NF1: variants seen among roughly 807,000 people sequenced by gnomAD.
NF1 encodes the protein neurofibromin 1, also known as neurofibromin.
NF1 carries 122 observed loss-of-function variants against 325.7 expected under a neutral mutation model. The observed-to-expected ratio is 0.37, with a 90% CI of 0.32 to 0.44. The LOEUF (loss-of-function observed/expected upper bound fraction) is 0.44, where lower values mean the gene tolerates loss of function less well. Ranked by LOEUF, NF1 falls within the 20% of genes least tolerant of loss-of-function variation. NF1 has a pLI of 1.00. For missense variants in NF1, 2,140 were observed against 3,415.4 expected, an observed-to-expected ratio of 0.63 and a Z score of 9.31; for synonymous variants, 1,091 against 1,186.0, an observed-to-expected ratio of 0.92 and a Z score of 1.65.
chr17:31,312,338 C>T (rs1399061514), intron 36 of NF1, among the ~76,000 whole-genome samples: 2 of 151,772 alleles, frequency 1.3e-5, no homozygotes, highest in Non-Finnish European at 2.9e-5. Flanking sequence ...GGTGAAACCC[C>T]GTTTCTACTA....
chr17:31,106,893 T>G (rs1484495199), intron 1 of NF1, among the ~76,000 whole-genome samples: 1 of 152,196 alleles, frequency 6.6e-6, no homozygotes, highest in Non-Finnish European at 1.5e-5. Context: ...GAGATTATGA[T>G]TCTTTCATGT....
chr17:31,243,565 C>G (rs888856420), intron 29 of NF1, among the ~76,000 whole-genome samples: 9 of 151,796 alleles, frequency 5.9e-5, no homozygotes, highest in African/African-American at 2.2e-4. Flanking sequence ...TTTTCTCAAG[C>G]AGAGGAGTCT....
At chr17:31,172,878 A>G (rs886877770) in intron 5 of NF1, among the ~76,000 whole-genome samples, 7 of 152,144 alleles carry the variant, frequency 4.6e-5, no homozygotes, top group Middle Eastern at 3.2e-3. Flanking sequence ...GGTTACCTGA[A>G]CTTCTGGGAC....
rs971095159 is a variant in NF1 at position 31,310,633 on chromosome 17, C to T, written c.4836-15187C>T. Among the ~76,000 whole-genome samples the T allele has an allele frequency of 2.0e-5, 3 of 152,130 alleles. No homozygotes were observed. The South Asian group carries it at 6.2e-4, about 32-fold the overall frequency. On this transcript the variant is annotated intron_variant, in intron 36 of 57. Transcript: ENST00000358273. ...CTGCTGTGAGTATCCTTACCATCCTCTCCCTTTTTTTTTCCCTGACACTAT... is the reference window on the plus strand; with the variant it reads ...CTGCTGTGAGTATCCTTACCATCCTTTCCCTTTTTTTTTCCCTGACACTAT...
chr17:31,147,496 G>A (rs1363210898), intron 1 of NF1, among the ~76,000 whole-genome samples: 1 of 152,126 alleles, frequency 6.6e-6, no homozygotes, highest in Non-Finnish European at 1.5e-5. Flanking sequence ...AAAACATGCT[G>A]CTGTAAAACA....
At chr17:31,174,943 T>A (rs2065992623) in intron 5 of NF1, among the ~76,000 whole-genome samples, 1 of 151,720 alleles carries the variant, frequency 6.6e-6, no homozygotes, top group Non-Finnish European at 1.5e-5. Flanking sequence ...ACCCCATCTC[T>A]ACTAAAAATA....
rs1567627282 is a variant in NF1 at position 31,357,372 on chromosome 17, A to G, written c.7970+3A>G. 8 of 1,605,236 alleles carry G rather than the reference A, an allele frequency of 5.0e-6. No individual in the cohort carries two copies. The African/African-American group carries it at 5.3e-5, about 11-fold the overall frequency. On this transcript the variant is annotated splice_donor_region_variant and intron_variant, in intron 54 of 57. Transcript: ENST00000358273. ...TTTCCCAAAGTCTTTCCTGTTGTGTAAGTATCTCCTTTTGATTTTAATTCA... is the reference window on the plus strand; with the variant it reads ...TTTCCCAAAGTCTTTCCTGTTGTGTGAGTATCTCCTTTTGATTTTAATTCA...
At chr17:31,140,589 C>G (rs1163831391) in intron 1 of NF1, among the ~76,000 whole-genome samples, 1 of 152,132 alleles carries the variant, frequency 6.6e-6, no homozygotes, top group Admixed American at 6.5e-5. Context: ...TAGGGCAAGT[C>G]CCCCTTCAGG....
chr17:31,277,225 A>G (rs929255530), intron 36 of NF1, among the ~76,000 whole-genome samples: 2 of 152,070 alleles, frequency 1.3e-5, no homozygotes, highest in Non-Finnish European at 2.9e-5. Flanking sequence ...ACCTCTGTAT[A>G]AGTGGATCAG....
chr17:31,150,339 G>A (rs1360034023), intron 1 of NF1, among the ~76,000 whole-genome samples: 1 of 152,156 alleles, frequency 6.6e-6, no homozygotes, highest in African/African-American at 2.4e-5. Flanking sequence ...TAGTGAGTGG[G>A]ATCTGGGAAA....
At chr17:31,262,783 GA>G (rs1311098935) in intron 35 of NF1, among the ~76,000 whole-genome samples, 1 of 152,068 alleles carries the variant, frequency 6.6e-6, no homozygotes, top group Non-Finnish European at 1.5e-5. Flanking sequence ...AGCTCTACTA[GA>G]TTTTTTTTAG....
At chr17:31,298,350 G>A (rs1023075484) in intron 36 of NF1, among the ~76,000 whole-genome samples, 1 of 151,922 alleles carries the variant, frequency 6.6e-6, no homozygotes, top group South Asian at 2.1e-4. Flanking sequence ...ATAAAGTTAC[G>A]GTATTTTCGT....
intron 29 of NF1, 25 bp downstream of exon 29, chr17:31,236,046 C>T (rs771922676): frequency 1.8e-5 from 28 of 1,532,742 alleles, no homozygotes; most frequent in Middle Eastern, 1.7e-4. Context: ...CACATAGAAC[C>T]GCTGTTTTTT....
chr17:31,335,904 C>G (rs1331291025), intron 40 of NF1, among the ~76,000 whole-genome samples: 2 of 142,852 alleles, frequency 1.4e-5, no homozygotes, highest in Non-Finnish European at 3.0e-5. Flanking sequence ...GTTGCCCAGG[C>G]TGGTCTTGAA....
intron 36 of NF1, among the ~76,000 whole-genome samples, chr17:31,299,140 A>C (rs1244617466): frequency 6.6e-6 from 1 of 152,100 alleles, no homozygotes. Flanking sequence ...AATTCTCAAA[A>C]AGAAAAAGGG....
intron 36 of NF1, among the ~76,000 whole-genome samples, chr17:31,293,586 A>T (rs2068397123): frequency 1.3e-5 from 2 of 152,212 alleles, no homozygotes; most frequent in Non-Finnish European, 2.9e-5. Context: ...AGAACACATT[A>T]GAGTGTTGTT....
At chr17:31,124,156 AC>A (rs1555599990) in intron 1 of NF1, among the ~76,000 whole-genome samples, 4 of 152,170 alleles carry the variant, frequency 2.6e-5, no homozygotes, top group Non-Finnish European at 5.9e-5. Context: ...TAAAAAAATT[AC>A]AGTTTAACAT....
chr17:31,366,953 A>T (rs2070535231), intron 57 of NF1, among the ~76,000 whole-genome samples: 1 of 152,076 alleles, frequency 6.6e-6, no homozygotes, highest in Admixed American at 6.5e-5. Flanking sequence ...CTAATTTTTA[A>T]ATCTAATTTT....
intron 12 of NF1, among the ~76,000 whole-genome samples, chr17:31,208,873 A>AAGAGCG (rs2066671435): frequency 6.6e-6 from 1 of 152,134 alleles, no homozygotes; most frequent in Non-Finnish European, 1.5e-5. Context: ...TGTGGACAAC[A>AAGAGCG]AGAGCGAGAA....
Sources: gnomAD v4.1 joint callset for allele counts (sites outside exome capture counted in the v4.1 genomes callset) on GRCh38, gnomAD v4.1.1 for gene constraint, MANE v1.5 for transcripts, NCBI Gene and HGNC (gene_info 2026-07-23, HGNC 2026-07-21) for gene names.